ENOX1: variants seen among roughly 807,000 people sequenced by gnomAD.
ENOX1 encodes candidate growth-related and time keeping constitutive hydroquinone (NADH) oxidase.
Under a neutral mutation model 82.5 loss-of-function variants are expected in ENOX1, and 42 were observed. The ratio of observed to expected loss-of-function variants is 0.51; its 90% CI spans 0.40 to 0.66. The LOEUF is 0.66. Ranked by LOEUF, ENOX1 falls within the 30% of genes least tolerant of loss-of-function variation. The probability of loss-of-function intolerance (pLI) is 0.00; values close to 1 mark genes in which losing one functional copy is unlikely to be tolerated. For synonymous variants in ENOX1, 271 were observed against 282.2 expected (o/e 0.96, Z 0.40); for missense variants, 608 against 811.6 (o/e 0.75, Z 3.05).
At chr13:43,438,805 G>C (rs1029703788) in intron 3 of ENOX1, among the ~76,000 whole-genome samples, 1 of 152,134 alleles carries the variant, frequency 6.6e-6, no homozygotes, top group Admixed American at 6.5e-5. Flanking sequence ...TAGTGGATCT[G>C]ATGTGAGGTG....
At chr13:43,725,461 T>C (rs1278845612) in intron 1 of ENOX1, among the ~76,000 whole-genome samples, 1 of 152,076 alleles carries the variant, frequency 6.6e-6, no homozygotes, top group Non-Finnish European at 1.5e-5. Context: ...CAGAGGGACC[T>C]AAAGAGTTAA....
chr13:43,350,353 C>T (rs145938627), intron 8 of ENOX1, among the ~76,000 whole-genome samples: 225 of 152,270 alleles, frequency 1.5e-3, no homozygotes, highest in African/African-American at 5.2e-3. Context: ...TCTGAAAGTC[C>T]AGGGCATGGC....
chr13:43,413,593 AG>A lies in ENOX1; in HGVS notation c.-74-606del, dbSNP rs375803442. ...GATCTAGAGGGTGTTAGGGAGGCAA[AG>A]GAAGAGCATTTGGTTTTTTCAGCTC... On this transcript the variant is annotated intron_variant, in intron 3 of 16. Transcript: ENST00000690772. Among the ~76,000 whole-genome samples the A allele has an allele frequency of 5.5e-4, 84 of 151,822 alleles. No individual in the cohort carries two copies. The East Asian group carries it at 0.015, about 27-fold the overall frequency.
chr13:43,374,249 C>CTTTTCT (rs2051457564), intron 5 of ENOX1, among the ~76,000 whole-genome samples: 1 of 127,970 alleles, frequency 7.8e-6, no homozygotes, highest in Admixed American at 8.2e-5. Context: ...CTTTTCTTTT[C>CTTTTCT]TTTTTTTTTT....
chr13:43,694,567 T>G (rs1270581313), intron 1 of ENOX1, among the ~76,000 whole-genome samples: 1 of 152,186 alleles, frequency 6.6e-6, no homozygotes, highest in African/African-American at 2.4e-5. Flanking sequence ...AGTAAATGAG[T>G]GAGTCGTATG....
At chr13:43,386,701 T>C (rs1024323668) in intron 5 of ENOX1, among the ~76,000 whole-genome samples, 4 of 152,346 alleles carry the variant, frequency 2.6e-5, no homozygotes, top group Non-Finnish European at 1.5e-5. Flanking sequence ...ATCTAAATGG[T>C]CCAAGAATAT....
At chr13:43,518,453 T>C (rs1321823198) in intron 2 of ENOX1, among the ~76,000 whole-genome samples, 1 of 152,010 alleles carries the variant, frequency 6.6e-6, no homozygotes, top group Non-Finnish European at 1.5e-5. Flanking sequence ...CCCCAGCAGT[T>C]TGCATCAAGA....
At chr13:43,713,169 A>T (rs2153814537) in intron 1 of ENOX1, among the ~76,000 whole-genome samples, 1 of 152,294 alleles carries the variant, frequency 6.6e-6, no homozygotes, top group Non-Finnish European at 1.5e-5. Context: ...TATTGAGATA[A>T]TTATGTGGTT....
At chr13:43,603,550 A>C (rs1337074357) in intron 2 of ENOX1, among the ~76,000 whole-genome samples, 17 of 127,210 alleles carry the variant, frequency 1.3e-4, no homozygotes, top group African/African-American at 3.1e-4. Flanking sequence ...CCCCCACCCC[A>C]CAACAGGCCC....
At chr13:43,682,978 T>C (rs2085870842) in intron 1 of ENOX1, among the ~76,000 whole-genome samples, 1 of 152,220 alleles carries the variant, frequency 6.6e-6, no homozygotes, top group Non-Finnish European at 1.5e-5. Flanking sequence ...TTTGGGTTTT[T>C]AATATAACAG....
At chr13:43,403,104 C>T (rs1158151110) in intron 5 of ENOX1, among the ~76,000 whole-genome samples, 1 of 151,978 alleles carries the variant, frequency 6.6e-6, no homozygotes, top group Non-Finnish European at 1.5e-5. Context: ...AAATATTTCT[C>T]TAGTTTTAGT....
chr13:43,676,164 C>T (rs2085498933), intron 1 of ENOX1, among the ~76,000 whole-genome samples: 1 of 152,154 alleles, frequency 6.6e-6, no homozygotes, highest in Non-Finnish European at 1.5e-5. Context: ...TGGAATTCTT[C>T]ATCCAGTCTT....
intron 2 of ENOX1, among the ~76,000 whole-genome samples, chr13:43,566,535 T>A (rs2079928046): frequency 6.6e-6 from 1 of 152,082 alleles, no homozygotes; most frequent in Non-Finnish European, 1.5e-5. Flanking sequence ...TTATTTTCAG[T>A]GGCAATAGCA....
chr13:43,639,146 A>G (rs973495570), intron 2 of ENOX1, among the ~76,000 whole-genome samples: 3 of 152,106 alleles, frequency 2.0e-5, no homozygotes, highest in African/African-American at 7.2e-5. Flanking sequence ...TCTACTAAAA[A>G]CACAAAAAAT....
intron 12 of ENOX1, among the ~76,000 whole-genome samples, chr13:43,295,404 AAG>A (rs1038367520): frequency 6.6e-6 from 1 of 152,200 alleles, no homozygotes; most frequent in African/African-American, 2.4e-5. Flanking sequence ...AAAGTCACCC[AAG>A]AGTTTTTCCA....
chr13:43,418,705 T>C (rs958065936), intron 3 of ENOX1, among the ~76,000 whole-genome samples: 1 of 152,172 alleles, frequency 6.6e-6, no homozygotes, highest in Admixed American at 6.5e-5. Flanking sequence ...CACAAAACAA[T>C]CTGATACACA....
At chr13:43,432,545 A>G (rs1270109257) in intron 3 of ENOX1, among the ~76,000 whole-genome samples, 5 of 152,174 alleles carry the variant, frequency 3.3e-5, no homozygotes, top group African/African-American at 1.2e-4. Context: ...TGGGAGGCTG[A>G]GGCACGAGAA....
chr13:43,747,842 T>A (rs189945447), intron 1 of ENOX1, among the ~76,000 whole-genome samples: 22 of 152,348 alleles, frequency 1.4e-4, no homozygotes, highest in African/African-American at 5.3e-4. Context: ...ATAGAATTCA[T>A]GGAAGTTCTT....
At chr13:43,284,771 GGTGTGTGTGTGTGTGTGTGTGT>G (rs72187459) in intron 12 of ENOX1, among the ~76,000 whole-genome samples, 17 of 143,682 alleles carry the variant, frequency 1.2e-4, no homozygotes, top group Admixed American at 7.6e-4. Flanking sequence ...ATTTGTTAAA[GGTGTGTGTGTGTGTGTGTGTGT>G]GTGTGTGTGT....
Sources: gnomAD v4.1 joint callset for allele counts (sites outside exome capture counted in the v4.1 genomes callset) on GRCh38, gnomAD v4.1.1 for gene constraint, MANE v1.5 for transcripts, NCBI Gene and HGNC (gene_info 2026-07-23, HGNC 2026-07-21) for gene names.